The following ADGRE1 variants were observed in gnomAD, a reference collection of about 807,000 sequenced individuals.
ADGRE1 encodes adhesion G protein-coupled receptor E1.
Under a neutral mutation model 102.7 loss-of-function variants are expected in ADGRE1, and 82 were observed. That is an observed-to-expected ratio of 0.80 (90% CI 0.67 to 0.96). The LOEUF (loss-of-function observed/expected upper bound fraction) is 0.96, where lower values mean the gene tolerates loss of function less well. Among genes scored for constraint, ADGRE1 ranks in the 40% least tolerant of loss-of-function variants. ADGRE1 has a pLI of 0.00. For missense variants in ADGRE1, 1,032 were observed against 1,085.3 expected (o/e 0.95, Z 0.69); for synonymous variants, 398 against 399.6 (o/e 1.00, Z 0.05).
chr19:6,924,741 T>C lies in ADGRE1; in HGVS notation c.1855T>C (p.Leu619=). The change falls in exon 15 of 21, where the codon TTG becomes CTG. Residue 619 remains leucine (L), a synonymous_variant. Coordinates refer to ENST00000312053, the MANE Select transcript of ADGRE1 (RefSeq NM_001974.5). ...GIIISLVCLV[L]AIATFLLCRS... is the part of the protein sequence containing the mutation. ...TATCATCTCCTTGGTGTGCCTCGTC[T>C]TGGCCATCGCCACCTTTCTGCTGTG... The C allele has an allele frequency of 6.2e-7, 1 of 1,614,212 alleles. No homozygotes were observed. The highest frequency in any genetic ancestry group is 1.3e-5 in the African/African-American group (1 of 75,054).
In ADGRE1 at chr19:6,927,083, G is replaced by C. The variant is rs537478650; in HGVS notation, c.2222+482G>C. Reference sequence around the variant, plus strand: ...TCAGAAAAAAGTGGGGGGAATATTGGGGTGCTGTTATTGAACATGACGGAA... The same window carrying C: ...TCAGAAAAAAGTGGGGGGAATATTGCGGTGCTGTTATTGAACATGACGGAA... On this transcript the variant is annotated intron_variant, in intron 16 of 20. Coordinates refer to ENST00000312053, the MANE Select transcript of ADGRE1 (RefSeq NM_001974.5). 2.6e-5 allele frequency among the ~76,000 whole-genome samples: 4 copies of C among 151,982 alleles called. No homozygotes were observed. The East Asian group carries it at 7.7e-4, about 29-fold the overall frequency.
At chr19:6,907,192 A>G (rs422389) in intron 9 of ADGRE1, among the ~76,000 whole-genome samples, 66,849 of 151,830 alleles carry the variant, frequency 0.44, 17,685 homozygotes, top group African/African-American at 0.75. Context: ...GGCTTCCCAC[A>G]TGCCTTGGAC....
rs370243250 is a variant in ADGRE1 at position 6,919,705 on chromosome 19, C to T, written c.1578C>T (p.Asp526=). The part of the protein sequence containing the change: ...VGGIMTGEKK[D]GFSDPIIYTL... Reference sequence around the variant, plus strand: ...GCATAATGACTGGAGAGAAGAAAGACGGCTTCTCAGATCCAATCATCTACA... The same window carrying T: ...GCATAATGACTGGAGAGAAGAAAGATGGCTTCTCAGATCCAATCATCTACA... Residue 526 remains aspartate (D), a synonymous_variant, in exon 13 of 21, where the codon GAC becomes GAT. Coordinates refer to ENST00000312053, the MANE Select transcript of ADGRE1 (RefSeq NM_001974.5). 45 of 1,613,016 alleles carry T rather than the reference C, an allele frequency of 2.8e-5. No homozygotes were observed. Among genetic ancestry groups the T allele is most frequent in the Non-Finnish European group, 3.7e-5 (44 of 1,179,718 alleles).
At chr19:6,909,315 A>G (rs1330084865) in intron 10 of ADGRE1, among the ~76,000 whole-genome samples, 3 of 152,174 alleles carry the variant, frequency 2.0e-5, no homozygotes, top group African/African-American at 7.2e-5. Context: ...TATAATTAGG[A>G]TGCAGAACAG....
At chr19:6,932,983 G>A (rs1448985011) in intron 17 of ADGRE1, among the ~76,000 whole-genome samples, 2 of 152,210 alleles carry the variant, frequency 1.3e-5, no homozygotes, top group African/African-American at 2.4e-5. Flanking sequence ...CACTTTGGGA[G>A]GCCAAGGCAG....
At chr19:6,907,663 A>T (rs1347233877) in intron 9 of ADGRE1, among the ~76,000 whole-genome samples, 2 of 151,936 alleles carry the variant, frequency 1.3e-5, no homozygotes, top group African/African-American at 4.8e-5. Flanking sequence ...TTTTATCACT[A>T]AGCAGTCACT....
Position 6,921,883 on chromosome 19 carries a change from G to A in ADGRE1, c.1791G>A (p.Thr597=), listed in dbSNP as rs779073302. The change falls in exon 14 of 21, where the codon ACG becomes ACA. Residue 597 remains threonine (T), a splice_region_variant and synonymous_variant. Transcript: ENST00000312053. The part of the protein sequence containing the change: ...LAVIMASGEL[T]MDFSLYIISH... ...TTATCATGGCGTCTGGGGAGCTCAC[G>A]GTCAGTACTGATGATTTGTTCCCTG... is the stretch of plus-strand genomic sequence containing the variant. 1.9e-5 allele frequency: 31 copies of A among 1,610,810 alleles called. 2 individuals are homozygous for A. In the Middle Eastern group the frequency reaches 5.2e-4, roughly 27 times the overall value.
chr19:6,934,898 C>G (rs1310522853), intron 17 of ADGRE1, 89 bp from the exon 18 acceptor site: 1 of 852,414 alleles, frequency 1.2e-6, no homozygotes, highest in Admixed American at 3.0e-5. Context: ...TGAGCCACCA[C>G]GCCCAGCCCA....
At chr19:6,937,447 C>T (rs762728273) in intron 19 of ADGRE1, 36 bp downstream of exon 19, 1 of 1,568,152 alleles carries the variant, frequency 6.4e-7, no homozygotes, top group African/African-American at 1.4e-5. Flanking sequence ...CCCCTCCTCC[C>T]ATCCCCCTCT....
rs1480656854 is a variant in ADGRE1 at position 6,906,426 on chromosome 19, T to C, written c.950-7T>C. 14 of 1,605,418 alleles carry C rather than the reference T, an allele frequency of 8.7e-6. 1 individual carries two copies. In the African/African-American group the frequency reaches 1.7e-4, roughly 20 times the overall value. On this transcript the variant is annotated splice_region_variant and splice_polypyrimidine_tract_variant and intron_variant, in intron 8 of 20. Coordinates refer to ENST00000312053, the MANE Select transcript of ADGRE1 (RefSeq NM_001974.5). ...GTTTGGTTTGGTTGCTGTTGTTTTC[T>C]TCCTAGGGGTTCTCTTCAAATGTAA...
chr19:6,918,124 TGA>T (rs1974471033), intron 12 of ADGRE1, among the ~76,000 whole-genome samples: 1 of 152,020 alleles, frequency 6.6e-6, no homozygotes, highest in Non-Finnish European at 1.5e-5. Context: ...TATCAGTTAT[TGA>T]AGTAGGAGAT....
chr19:6,906,188 A>G (rs1411632275), intron 8 of ADGRE1, among the ~76,000 whole-genome samples: 1 of 152,182 alleles, frequency 6.6e-6, no homozygotes, highest in Non-Finnish European at 1.5e-5. Flanking sequence ...CCACAATCAT[A>G]TGCATGATTG....
chr19:6,928,936 T>C (rs1975031850), intron 17 of ADGRE1, among the ~76,000 whole-genome samples: 2 of 98,388 alleles, frequency 2.0e-5, no homozygotes, highest in South Asian at 5.4e-4. Context: ...CAAAACTCCA[T>C]CTCAAAAAAA....
chr19:6,934,126 G>A (rs957559965), intron 17 of ADGRE1, among the ~76,000 whole-genome samples: 1 of 152,082 alleles, frequency 6.6e-6, no homozygotes, highest in East Asian at 1.9e-4. Context: ...AGAGAAGTGG[G>A]GAAGGTTTAT....
At chr19:6,927,352 T>A (rs1974967166) in intron 16 of ADGRE1, among the ~76,000 whole-genome samples, 2 of 150,404 alleles carry the variant, frequency 1.3e-5, no homozygotes, top group Non-Finnish European at 3.0e-5. Flanking sequence ...TTTCTTCGAA[T>A]AAACAATTTT....
At chr19:6,930,043 A>G (rs1373531641) in intron 17 of ADGRE1, among the ~76,000 whole-genome samples, 2 of 152,184 alleles carry the variant, frequency 1.3e-5, no homozygotes, top group African/African-American at 2.4e-5. Flanking sequence ...TTGCCTTTCT[A>G]TGTCTATAGC....
intron 17 of ADGRE1, 53 bp from the exon 18 acceptor site, chr19:6,934,934 G>A: frequency 7.5e-7 from 1 of 1,330,664 alleles, no homozygotes; most frequent in Non-Finnish European, 1.0e-6. Flanking sequence ...AGGTGTTCTG[G>A]CCCTTGTCTA....
intron 3 of ADGRE1, chr19:6,896,874 C>T: frequency 2.1e-6 from 1 of 481,106 alleles, no homozygotes; most frequent in Non-Finnish European, 3.6e-6. Context: ...GTTGAGTTTC[C>T]TCACAATATG....
intron 15 of ADGRE1, among the ~76,000 whole-genome samples, chr19:6,926,090 C>T (rs773588455): frequency 2.6e-5 from 4 of 152,098 alleles, no homozygotes; most frequent in African/African-American, 4.8e-5. Context: ...GTAGGGTGAT[C>T]GACAATCAGT....
Sources: allele counts gnomAD v4.1 joint callset (sites outside exome capture counted in the v4.1 genomes callset), GRCh38; gene constraint gnomAD v4.1.1; transcripts MANE v1.5; gene names NCBI Gene and HGNC (gene_info 2026-07-23, HGNC 2026-07-21).